CEP85L: variants seen among roughly 807,000 people sequenced by gnomAD.
CEP85L encodes the protein centrosomal protein 85L, also known as centrosomal protein of 85 kDa-like.
CEP85L carries 60 observed loss-of-function variants against 100.3 expected under a neutral mutation model. The ratio of observed to expected loss-of-function variants is 0.60; its 90% CI spans 0.49 to 0.74. The LOEUF (loss-of-function observed/expected upper bound fraction) is 0.74, where lower values mean the gene tolerates loss of function less well. CEP85L is among the 30% of genes least tolerant of loss of function. CEP85L has a pLI of 0.00. For synonymous variants in CEP85L, 319 were observed against 322.7 expected (o/e 0.99, Z 0.12); for missense variants, 973 against 936.2 (o/e 1.04, Z -0.51).
At chr6:118,483,617 A>G in intron 7 of CEP85L, 89 bp downstream of exon 7, 2 of 1,226,224 alleles carry the variant, frequency 1.6e-6, no homozygotes, top group East Asian at 4.7e-5. Context: ...AATTAAACAC[A>G]TAGATTTAAC....
At chr6:118,600,370 T>TGTGTGTGTGTGTGCGTGG in intron 2 of CEP85L, among the ~76,000 whole-genome samples, 1 of 86,368 alleles carries the variant, frequency 1.2e-5, no homozygotes, top group Admixed American at 1.1e-4. Flanking sequence ...TGTGTGTGTG[T>TGTGTGTGTGTGTGCGTGG]AACGCCATGG....
At chr6:118,541,616 A>C (rs1012117360) in intron 3 of CEP85L, among the ~76,000 whole-genome samples, 1 of 152,216 alleles carries the variant, frequency 6.6e-6, no homozygotes, top group Non-Finnish European at 1.5e-5. Context: ...AGAAGCCATT[A>C]TGTTTTAGAG....
Position 118,565,976 on chromosome 6 carries a change from A to T in CEP85L, c.573T>A (p.Ala191=), listed in dbSNP as rs200142473. The change falls in exon 3 of 13, where the codon GCT becomes GCA. Residue 191 remains alanine (A), a synonymous_variant. Coordinates refer to ENST00000368491, the MANE Select transcript of CEP85L (RefSeq NM_001042475.3). ...NGLEKIGKAK[A]LTSQLRTIGP... is the part of the protein sequence containing the mutation. ...CAATTGTCCTCAGTTGTGATGTTAA[A>T]GCCTTAGCCTTCCCTATCTTCTCCA... 21 of 1,614,198 alleles carry T rather than the reference A, an allele frequency of 1.3e-5. No homozygotes were observed. The East Asian group carries it at 4.7e-4, about 36-fold the overall frequency.
At chr6:118,654,117 T>G (rs1775690643), upstream of CEP85L, among the ~76,000 whole-genome samples, 1 of 152,150 alleles carries the variant, frequency 6.6e-6, no homozygotes, top group Admixed American at 6.5e-5. Flanking sequence ...AAAAGTGATA[T>G]TTTTAAATTA....
rs569719709 is a variant in CEP85L at position 118,648,775 on chromosome 6, G to A, written c.73+2422C>T. Among the ~76,000 whole-genome samples the A allele has an allele frequency of 2.9e-3, 440 of 149,636 alleles. 1 individual carries two copies. Among genetic ancestry groups the A allele is most frequent in the Middle Eastern group, 0.011 (3 of 282 alleles). On this transcript the variant is annotated intron_variant, in intron 1 of 12. Coordinates refer to ENST00000368491, the MANE Select transcript of CEP85L (RefSeq NM_001042475.3). ...AAAAAAAAACTAAAGTGGTTCTATAGTACCTTTGGCTTTTCCTTTAGTCTA... is the reference window on the plus strand; with the variant it reads ...AAAAAAAAACTAAAGTGGTTCTATAATACCTTTGGCTTTTCCTTTAGTCTA...
chr6:118,507,658 T>C (rs1775735662), intron 5 of CEP85L, among the ~76,000 whole-genome samples: 1 of 152,176 alleles, frequency 6.6e-6, no homozygotes, highest in African/African-American at 2.4e-5. Flanking sequence ...TAATTTGTAG[T>C]TTTCCAAATG....
intron 2 of CEP85L, among the ~76,000 whole-genome samples, chr6:118,592,764 T>C (rs769907201): frequency 3.3e-5 from 5 of 152,122 alleles, no homozygotes; most frequent in Non-Finnish European, 7.4e-5. Context: ...AAATGCTCAA[T>C]AAATGTTGGT....
intron 1 of CEP85L, among the ~76,000 whole-genome samples, chr6:118,692,954 A>T (rs1164366492): frequency 6.6e-6 from 1 of 152,336 alleles, no homozygotes; most frequent in Non-Finnish European, 1.5e-5. Flanking sequence ...GGGGCTATTT[A>T]TATTCTTACC....
chr6:118,645,719 TA>T (rs569612170), intron 1 of CEP85L, among the ~76,000 whole-genome samples: 185 of 152,234 alleles, frequency 1.2e-3, no homozygotes, highest in African/African-American at 4.3e-3. Flanking sequence ...AAAATGTTTT[TA>T]AAAGTAAAAT....
chr6:118,704,615 C>T (rs1777533145), intron 1 of CEP85L, among the ~76,000 whole-genome samples: 3 of 152,160 alleles, frequency 2.0e-5, no homozygotes, highest in South Asian at 4.1e-4. Flanking sequence ...GGATTGCAGG[C>T]ACCCGCCACC....
upstream of CEP85L, chr6:118,651,613 C>A (rs1562340783): frequency 4.7e-6 from 5 of 1,062,214 alleles, 1 homozygote; most frequent in Middle Eastern, 4.3e-4. Context: ...GCCGGCAGAG[C>A]CAGAGCCGGG....
intron 5 of CEP85L, among the ~76,000 whole-genome samples, chr6:118,497,998 G>A (rs981662579): frequency 6.6e-6 from 1 of 152,210 alleles, no homozygotes; most frequent in African/African-American, 2.4e-5. Context: ...TGAGAAGGAA[G>A]ATGGAGGAAT....
chr6:118,503,939 CTTCATTAAAAT>C (rs1323762640), intron 5 of CEP85L, among the ~76,000 whole-genome samples: 1 of 151,394 alleles, frequency 6.6e-6, no homozygotes, highest in African/African-American at 2.4e-5. Context: ...ATAAGCTGGA[CTTCATTAAAAT>C]TAAAAACTTT....
At chr6:118,566,356 A>G in intron 2 of CEP85L, 40 bp from the exon 3 acceptor site, 1 of 1,494,514 alleles carries the variant, frequency 6.7e-7, no homozygotes, top group Non-Finnish European at 9.1e-7. Context: ...TACAATTAAC[A>G]GACAAAAGAG....
chr6:118,651,691 G>A, upstream of CEP85L: 14 of 658,452 alleles, frequency 2.1e-5, no homozygotes, highest in Non-Finnish European at 2.6e-5. Flanking sequence ...CGCGGGGCGG[G>A]GACTGCGGGG....
At chr6:118,516,524 C>T (rs756595679) in intron 4 of CEP85L, among the ~76,000 whole-genome samples, 1 of 151,846 alleles carries the variant, frequency 6.6e-6, no homozygotes, top group African/African-American at 2.4e-5. Context: ...CTTTTTTTCA[C>T]GTTTGTTGGC....
intron 2 of CEP85L, among the ~76,000 whole-genome samples, chr6:118,612,935 G>A (rs1006711917): frequency 2.6e-5 from 4 of 151,704 alleles, no homozygotes; most frequent in African/African-American, 9.7e-5. Flanking sequence ...TAACTGAAAT[G>A]AGGCCAGGTG....
intron 1 of CEP85L, among the ~76,000 whole-genome samples, chr6:118,706,933 A>G (rs1194468056): frequency 6.6e-6 from 1 of 152,112 alleles, no homozygotes; most frequent in Admixed American, 6.5e-5. Flanking sequence ...TCCCTACCCC[A>G]TGGAGCTCTC....
At chr6:118,646,660 C>CA (rs1049350003) in intron 1 of CEP85L, among the ~76,000 whole-genome samples, 2 of 150,986 alleles carry the variant, frequency 1.3e-5, no homozygotes, top group Non-Finnish European at 1.5e-5. Flanking sequence ...GACTCTGTCT[C>CA]AAAAAAAATA....
Sources: allele counts gnomAD v4.1 joint callset (sites outside exome capture counted in the v4.1 genomes callset), GRCh38; gene constraint gnomAD v4.1.1; transcripts MANE v1.5; gene names NCBI Gene and HGNC (gene_info 2026-07-23, HGNC 2026-07-21).